The following ALDH4A1 variants were observed in gnomAD, a reference collection of about 807,000 sequenced individuals.
The protein encoded by ALDH4A1 is aldehyde dehydrogenase 4 family member A1.
Under a neutral mutation model 70.5 loss-of-function variants are expected in ALDH4A1, and 46 were observed. The ratio of observed to expected loss-of-function variants is 0.65; its 90% confidence interval spans 0.51 to 0.83. The LOEUF (loss-of-function observed/expected upper bound fraction) is 0.83. Among genes scored for constraint, ALDH4A1 ranks in the 40% least tolerant of loss-of-function variants. The pLI is 0.00. For missense variants in ALDH4A1, 749 were observed against 766.5 expected (o/e 0.98, Z 0.27); for synonymous variants, 323 against 324.3 (o/e 1.00, Z 0.04).
At position 18,874,414 on chromosome 1, in the gene ALDH4A1, G is replaced by C. The variant is rs28529092; in HGVS notation, c.1579+49C>G. On this transcript the variant is annotated intron_variant, in intron 14 of 14. Transcript: ENST00000375341. ...AGCCCCTCGAGACGTAACATCTAGG[G>C]TCTCCCACCAGGAACTCAGCTCCCC... 715,212 of 1,538,278 alleles carry C rather than the reference G, an allele frequency of 0.46. 169,373 individuals are homozygous for C. Among genetic ancestry groups the C allele is most frequent in the East Asian group, 0.67 (29,959 of 44,452 alleles).
intron 1 of ALDH4A1, among the ~76,000 whole-genome samples, chr1:18,892,801 T>C (rs1361946038): frequency 6.6e-6 from 1 of 151,722 alleles, no homozygotes; most frequent in East Asian, 1.9e-4. Context: ...CCTAAAACAC[T>C]GACACCCCCT....
chr1:18,894,781 T>C (rs532867471), intron 1 of ALDH4A1, among the ~76,000 whole-genome samples: 1 of 152,056 alleles, frequency 6.6e-6, no homozygotes, highest in South Asian at 2.1e-4. Flanking sequence ...AGACACTAGT[T>C]CAAAGTTCAG....
rs148804833 is a variant in ALDH4A1 at position 18,889,987 on chromosome 1, CG to C, written c.156+24del. ...CCTCTGCTCCATGCCCTGCACCTCT[CG>C]GGTGCCTCCCACCCTCCCATTACCT... On this transcript the variant is annotated intron_variant, in intron 2 of 14. Transcript: ENST00000375341. 7,668 of 1,564,678 alleles carry C rather than the reference CG, an allele frequency of 4.9e-3. 310 individuals carry two copies. The African/African-American group carries it at 0.087, about 18-fold the overall frequency.
rs1557621138 is a variant in ALDH4A1, at chr1:18,886,525, A to T, written c.250-14T>A. On this transcript the variant is annotated splice_polypyrimidine_tract_variant and intron_variant, in intron 3 of 14. Coordinates refer to ENST00000375341, the MANE Select transcript of ALDH4A1 (RefSeq NM_003748.4). ...ATGGTTAAAAGGCTGAAAGGAGAGA[A>T]GAGTGAGGTCCTTGCCCGGGAGGGA... 6.2e-7 allele frequency: 1 copy of T among 1,614,024 alleles called. No individual in the cohort carries two copies. The highest frequency in any genetic ancestry group is 1.3e-5 in the African/African-American group (1 of 75,048).
intron 10 of ALDH4A1, 26 bp downstream of exon 10, chr1:18,877,390 G>T (rs763881035): frequency 6.4e-7 from 1 of 1,554,238 alleles, no homozygotes; most frequent in Non-Finnish European, 8.7e-7. Context: ...CCGCTGGGCC[G>T]CGGCGGGGGT....
chr1:18,896,884 C>A (rs1229642751), intron 1 of ALDH4A1, among the ~76,000 whole-genome samples: 1 of 149,344 alleles, frequency 6.7e-6, no homozygotes, highest in African/African-American at 2.5e-5. Flanking sequence ...CAGAGTGAGA[C>A]GATGTCTCAA....
intron 5 of ALDH4A1, 32 bp downstream of exon 5, chr1:18,885,441 G>GCCCCCCCCC: frequency 4.7e-6 from 2 of 423,744 alleles, no homozygotes; most frequent in Non-Finnish European, 7.7e-6. Context: ...ACCCCACCCC[G>GCCCCCCCCC]CCCCACCCAC....
chr1:18,890,614 G>A, intron 1 of ALDH4A1: 2 of 884,146 alleles, frequency 2.3e-6, no homozygotes, highest in Non-Finnish European at 2.7e-6. Context: ...TCCCACGGTT[G>A]TGTGTCCTTG....
chr1:18,887,749 T>C (rs574294017), intron 3 of ALDH4A1, among the ~76,000 whole-genome samples: 2 of 152,280 alleles, frequency 1.3e-5, no homozygotes, highest in African/African-American at 4.8e-5. Context: ...CCCAGACCCG[T>C]CTCACCCATA....
intron 1 of ALDH4A1, among the ~76,000 whole-genome samples, chr1:18,897,372 A>G (rs2100611671): frequency 6.6e-6 from 1 of 152,160 alleles, no homozygotes; most frequent in African/African-American, 2.4e-5. Context: ...GCAAAACCCC[A>G]TCTCTACTAA....
At position 18,875,460 on chromosome 1, in the gene ALDH4A1, TCATC is replaced by T; in HGVS notation, c.1378_1381del (p.Asp460ThrfsTer37). On this transcript the variant is annotated frameshift_variant, in exon 13 of 15. Transcript: ENST00000375341. LOFTEE classifies it high-confidence loss of function. ...CAGCTGCAGCGTCTCCTTGTACTTGTCATCCGGGTAGACGTACACAGACAGTACA... is the reference window on the plus strand; with the variant it reads ...CAGCTGCAGCGTCTCCTTGTACTTGTCGGGTAGACGTACACAGACAGTACA... The T allele has an allele frequency of 6.2e-7, 1 of 1,614,090 alleles. No individual in the cohort carries two copies. Among genetic ancestry groups the T allele is most frequent in the Non-Finnish European group, 8.5e-7 (1 of 1,179,992 alleles).
chr1:18,886,374 G>T, intron 4 of ALDH4A1, 90 bp downstream of exon 4: 1 of 1,445,128 alleles, frequency 6.9e-7, no homozygotes, highest in Non-Finnish European at 9.7e-7. Context: ...AGCAACTGAT[G>T]CCCCCTGCCC....
intron 1 of ALDH4A1, among the ~76,000 whole-genome samples, chr1:18,899,531 G>A (rs1327075418): frequency 6.6e-6 from 1 of 152,070 alleles, no homozygotes; most frequent in Non-Finnish European, 1.5e-5. Flanking sequence ...TGGTAAAGTT[G>A]ATTGAGAAAA....
In ALDH4A1 at chr1:18,883,165, T is replaced by C. The variant is rs1935053279; in HGVS notation, c.637A>G (p.Thr213Ala). ...FVAAISPFNF[T>A]AIGGNLAGAP... The stretch of plus-strand genomic sequence containing the variant: ...CCCGCCAGGTTGCCGCCGATTGCAG[T>C]GAAGTTAAAGGGCGAGATGGCCGCC... The change falls in exon 7 of 15, where the codon ACT (threonine) becomes GCT (alanine). Residue 213 changes from threonine (T) to alanine (A), a missense_variant. Physicochemically the swap from Thr to Ala is moderately conservative, Grantham distance 58. Coordinates refer to ENST00000375341, the MANE Select transcript of ALDH4A1 (RefSeq NM_003748.4). 6.2e-7 allele frequency: 1 copy of C among 1,612,954 alleles called. No homozygotes were observed. Among genetic ancestry groups the C allele is most frequent in the Non-Finnish European group, 8.5e-7 (1 of 1,180,024 alleles).
In ALDH4A1 at chr1:18,890,005, C is replaced by T. The variant is rs1356998583; in HGVS notation, c.156+7G>A. 1 of 1,602,078 alleles carries T rather than the reference C, an allele frequency of 6.2e-7. No individual in the cohort carries two copies. Among genetic ancestry groups the T allele is most frequent in the Non-Finnish European group, 8.5e-7 (1 of 1,174,048 alleles). ...CACCTCTCGGGTGCCTCCCACCCTCCCATTACCTTTTGCAGGGCATCTCGC... is the reference window on the plus strand; with the variant it reads ...CACCTCTCGGGTGCCTCCCACCCTCTCATTACCTTTTGCAGGGCATCTCGC... On this transcript the variant is annotated splice_region_variant and intron_variant, in intron 2 of 14. Coordinates refer to ENST00000375341, the MANE Select transcript of ALDH4A1 (RefSeq NM_003748.4).
intron 13 of ALDH4A1, 109 bp from the exon 14 acceptor site, chr1:18,874,690 G>C (rs6665917): frequency 0.68 from 760,332 of 1,112,928 alleles, 261,358 homozygotes; most frequent in Admixed American, 0.78. Flanking sequence ...AGGTTCAACA[G>C]GAGGCCGAGT....
intron 14 of ALDH4A1, among the ~76,000 whole-genome samples, chr1:18,874,050 C>T (rs1365311239): frequency 6.6e-6 from 1 of 152,326 alleles, no homozygotes; most frequent in South Asian, 2.1e-4. Flanking sequence ...GAGAACTGGT[C>T]GGTGTGGGAA....
chr1:18,883,253 G>C (rs1935057737), intron 6 of ALDH4A1, 26 bp downstream of exon 6: 1 of 1,613,146 alleles, frequency 6.2e-7, no homozygotes, highest in Non-Finnish European at 8.5e-7. Context: ...TGCCCCGCCT[G>C]CTCGCCCACT....
chr1:18,902,499 G>T lies in ALDH4A1; in HGVS notation c.25C>A (p.Arg9Ser). ...CAGGGGCGGGACAGCAGGGCGCGGCGGAGCGCGGGCGCCGGCAGCAGCATC... is the reference window on the plus strand; with the variant it reads ...CAGGGGCGGGACAGCAGGGCGCGGCTGAGCGCGGGCGCCGGCAGCAGCATC... MLLPAPALRRALLSRPWTG... is the reference protein window; with the variant it reads MLLPAPALSRALLSRPWTG... The change falls in exon 1 of 15, where the codon CGC (arginine) becomes AGC (serine). Residue 9 changes from arginine to serine, a missense_variant. By Grantham distance (110) the Arg-to-Ser change is moderately radical (BLOSUM62 -1). Transcript: ENST00000375341. The T allele has an allele frequency of 2.0e-6, 3 of 1,479,390 alleles. No individual in the cohort carries two copies. The highest frequency in any genetic ancestry group is 2.7e-6 in the Non-Finnish European group (3 of 1,115,690). The allele number at this position is 1,479,390 out of a possible 1,614,324, so 91.6% of individuals were successfully genotyped here.
Sources: allele counts gnomAD v4.1 joint callset (sites outside exome capture counted in the v4.1 genomes callset), GRCh38; gene constraint gnomAD v4.1.1; transcripts MANE v1.5; gene names NCBI Gene and HGNC (gene_info 2026-07-23, HGNC 2026-07-21).